Variants in WFDC3 observed in about 807,000 individuals in gnomAD.
WFDC3 encodes WAP four-disulfide core domain 3.
In WFDC3, 15 loss-of-function variants were observed where a neutral mutation model predicts 25.8. The ratio of observed to expected loss-of-function variants is 0.58; its 90% CI spans 0.39 to 0.89. WFDC3 has a LOEUF of 0.89. Among genes scored for constraint, WFDC3 ranks in the 40% least tolerant of loss-of-function variants. The pLI is 0.00. For missense variants in WFDC3, 264 were observed against 289.8 expected, an observed-to-expected ratio of 0.91 and a Z score of 0.65; for synonymous variants, 103 against 107.1, an observed-to-expected ratio of 0.96 and a Z score of 0.24.
intron 4 of WFDC3, chr20:45,779,818 C>T (rs1469649647): frequency 1.3e-5 from 2 of 152,190 alleles, no homozygotes; most frequent in Non-Finnish European, 2.9e-5. Flanking sequence ...CTGCCCTCGT[C>T]CTCAAGACCA....
At position 45,775,468 on chromosome 20, in the gene WFDC3, G is replaced by A. The variant is rs745511113; in HGVS notation, c.628C>T (p.Pro210Ser). ...GRFCVPPVLP[P>S]KLTMNPNWTV... ...CAGTTGGGGTTCATGGTCAGTTTTG[G>A]GGGCAGGACTGGTGGGACACAGAAG... The change falls in exon 6 of 7, where the codon CCA (proline) becomes TCA (serine). Residue 210 changes from proline to serine, a missense_variant. By Grantham distance (74) the Pro-to-Ser change is moderately conservative. Coordinates refer to ENST00000243938, the MANE Select transcript of WFDC3 (RefSeq NM_080614.2). 3.1e-6 allele frequency: 5 copies of A among 1,614,180 alleles called. No individual in the cohort carries two copies. Among genetic ancestry groups the A allele is most frequent in the Non-Finnish European group, 4.2e-6 (5 of 1,180,034 alleles).
rs1392708422 is a variant in WFDC3 at position 45,788,936 on chromosome 20, G to A, written c.206C>T (p.Pro69Leu). The change falls in exon 3 of 7, where the codon CCT becomes CTT. Residue 69 changes from proline to leucine, a missense_variant. Transcript: ENST00000243938. ...TGCCCCTCATGCCAACATACCCTTA[G>A]GAATGTCTCGGCAGATCCGACCACA... ...TGCGRICRDIPKGRKRDCPRV... is the reference protein window; with the variant it reads ...TGCGRICRDILKGRKRDCPRV... The A allele has an allele frequency of 6.2e-7, 1 of 1,610,360 alleles. No homozygotes were observed. Among genetic ancestry groups the A allele is most frequent in the Non-Finnish European group, 8.5e-7 (1 of 1,178,756 alleles).
At chr20:45,779,611 A>G (rs914441117) in intron 4 of WFDC3, among the ~76,000 whole-genome samples, 3 of 152,224 alleles carry the variant, frequency 2.0e-5, no homozygotes, top group Admixed American at 2.0e-4. Flanking sequence ...TCCATTTAAC[A>G]AGGAACAAAA....
At chr20:45,782,190 G>A (rs1159654995) in intron 4 of WFDC3, among the ~76,000 whole-genome samples, 1 of 152,022 alleles carries the variant, frequency 6.6e-6, no homozygotes, top group Non-Finnish European at 1.5e-5. Flanking sequence ...TCTCAGTAAA[G>A]AACACCACCA....
chr20:45,775,347 C>A, intron 6 of WFDC3, 70 bp downstream of exon 6: 1 of 1,557,812 alleles, frequency 6.4e-7, no homozygotes, highest in Non-Finnish European at 8.7e-7. Context: ...AGTCCCCTTC[C>A]CAGCACCTAA....
At chr20:45,785,114 T>C (rs990319683) in intron 4 of WFDC3, among the ~76,000 whole-genome samples, 1 of 152,044 alleles carries the variant, frequency 6.6e-6, no homozygotes, top group Non-Finnish European at 1.5e-5. Context: ...TATGGAGAAA[T>C]ATTTTAACAC....
At position 45,775,665 on chromosome 20, in the gene WFDC3, A is replaced by G. The variant is rs1003891315; in HGVS notation, c.494-63T>C. 5.0e-6 allele frequency: 8 copies of G among 1,591,986 alleles called. No individual in the cohort carries two copies. The Admixed American group carries it at 5.1e-5, about 10-fold the overall frequency. ...TCAGCTCTGCCATCTCCATGTTCCC[A>G]TCGTGAACTTACACACAGAGGCTCT... On this transcript the variant is annotated intron_variant, in intron 5 of 6. Transcript: ENST00000243938.
At chr20:45,782,340 T>C (rs1980483215) in intron 4 of WFDC3, among the ~76,000 whole-genome samples, 1 of 152,082 alleles carries the variant, frequency 6.6e-6, no homozygotes, top group Non-Finnish European at 1.5e-5. Flanking sequence ...TTCTTTTTCA[T>C]TGTTATTGGT....
In WFDC3 at chr20:45,775,588, A is replaced by G. The variant is rs1402252316; in HGVS notation, c.508T>C (p.Cys170Arg). Residue 170 changes from cysteine (C) to arginine (R), a missense_variant, in exon 6 of 7, where the codon TGT (cysteine) becomes CGT (arginine). Cys to Arg is a radical substitution (Grantham distance 180). Transcript: ENST00000243938. ...GDIEGGRGGD[C>R]PKVLVGLCIV... ...CACAGGCCCACCAGAACTTTTGGAC[A>G]ATCACCGCCCCGCCCTGTGGGAACA... 6.2e-7 allele frequency: 1 copy of G among 1,614,042 alleles called. No homozygotes were observed. Among genetic ancestry groups the G allele is most frequent in the Non-Finnish European group, 8.5e-7 (1 of 1,180,036 alleles).
At chr20:45,789,375 G>A (rs796990939) in intron 2 of WFDC3, among the ~76,000 whole-genome samples, 13 of 151,370 alleles carry the variant, frequency 8.6e-5, no homozygotes, top group South Asian at 2.1e-4. Context: ...GCGTGGCGGC[G>A]GGCACCTGTA....
chr20:45,782,051 G>A (rs1980469116), intron 4 of WFDC3, among the ~76,000 whole-genome samples: 1 of 152,148 alleles, frequency 6.6e-6, no homozygotes, highest in Non-Finnish European at 1.5e-5. Context: ...AAAACAGAGG[G>A]TCACAGGGGA....
rs574976653 is a variant in WFDC3, at chr20:45,787,912, T to A, written c.282A>T (p.Thr94=). The A allele has an allele frequency of 5.6e-6, 9 of 1,614,156 alleles. No homozygotes were observed. In the African/African-American group the frequency reaches 1.2e-4, roughly 22 times the overall value. The stretch of plus-strand genomic sequence containing the variant: ...TGCAGCATTTCTTTACACCTGGACA[T>A]GTCTCATCAGTGATGCACCTTTTCA... ...SCLKRCITDE[T]CPGVKKCCTL... Residue 94 remains threonine, a synonymous_variant, in exon 4 of 7, where the codon ACA becomes ACT. Coordinates refer to ENST00000243938, the MANE Select transcript of WFDC3 (RefSeq NM_080614.2).
intron 4 of WFDC3, among the ~76,000 whole-genome samples, chr20:45,785,767 A>AG (rs1440543846): frequency 6.6e-6 from 1 of 152,150 alleles, no homozygotes; most frequent in Non-Finnish European, 1.5e-5. Flanking sequence ...GGGCCTCTCA[A>AG]GGGAATGGAG....
intron 5 of WFDC3, among the ~76,000 whole-genome samples, chr20:45,776,658 A>ATG (rs1226207681): frequency 0.051 from 4,890 of 94,954 alleles, 127 homozygotes; most frequent in Non-Finnish European, 0.082. Flanking sequence ...ATATATATAT[A>ATG]TATGTGTGTG....
At chr20:45,775,725 C>G in intron 5 of WFDC3, 123 bp from the exon 6 acceptor site, 1 of 1,250,634 alleles carries the variant, frequency 8.0e-7, no homozygotes, top group Non-Finnish European at 1.1e-6. Flanking sequence ...CTAGACCCAA[C>G]TAAACTGGCT....
At chr20:45,788,457 T>C (rs1470147768) in intron 3 of WFDC3, 1 of 157,572 alleles carries the variant, frequency 6.3e-6, no homozygotes, top group Non-Finnish European at 1.4e-5. Flanking sequence ...ACAATAGTAA[T>C]AGCAAATATT....
chr20:45,785,286 A>G (rs1980617452), intron 4 of WFDC3, among the ~76,000 whole-genome samples: 1 of 152,068 alleles, frequency 6.6e-6, no homozygotes. Context: ...CCTGACCAAC[A>G]TGGCAAAACC....
intron 4 of WFDC3, among the ~76,000 whole-genome samples, chr20:45,786,034 T>C (rs1344589156): frequency 6.6e-6 from 1 of 152,210 alleles, no homozygotes; most frequent in Non-Finnish European, 1.5e-5. Context: ...TTCACCTGGC[T>C]AACTTCAAAT....
At chr20:45,786,133 C>T (rs1223455746) in intron 4 of WFDC3, among the ~76,000 whole-genome samples, 1 of 152,202 alleles carries the variant, frequency 6.6e-6, no homozygotes, top group African/African-American at 2.4e-5. Flanking sequence ...GGCACGGTGG[C>T]TCACGCCAGC....
Sources: gnomAD v4.1 joint callset for allele counts (sites outside exome capture counted in the v4.1 genomes callset) on GRCh38, gnomAD v4.1.1 for gene constraint, MANE v1.5 for transcripts, NCBI Gene and HGNC (gene_info 2026-07-23, HGNC 2026-07-21) for gene names.